VGLL4: variants seen among roughly 807,000 people sequenced by gnomAD.
The protein encoded by VGLL4 is transcription cofactor vestigial-like protein 4.
VGLL4 carries 7 observed loss-of-function variants against 21.0 expected under a neutral mutation model. That is an observed-to-expected ratio of 0.33 (90% CI 0.19 to 0.63). The LOEUF (loss-of-function observed/expected upper bound fraction) is 0.63. Among genes scored for constraint, VGLL4 ranks in the 20% least tolerant of loss-of-function variants. The probability of loss-of-function intolerance (pLI) is 0.78; values close to 1 mark genes in which losing one functional copy is unlikely to be tolerated. For missense variants in VGLL4, 394 were observed against 425.7 expected, an observed-to-expected ratio of 0.93 and a Z score of 0.66; for synonymous variants, 222 against 173.2, an observed-to-expected ratio of 1.28 and a Z score of -2.21.
intron 2 of VGLL4, among the ~76,000 whole-genome samples, chr3:11,659,535 T>C (rs2076007961): frequency 6.6e-6 from 1 of 151,924 alleles, no homozygotes; most frequent in African/African-American, 2.4e-5. Context: ...TTTCTCCATG[T>C]TGGTCAGGCT....
chr3:11,626,531 T>C, intron 1 of VGLL4: 1 of 423,266 alleles, frequency 2.4e-6, no homozygotes, highest in Admixed American at 2.6e-5. Context: ...GGCAGTAATA[T>C]TTGAAGGTAC....
chr3:11,642,921 G>A (rs1458304463), intron 1 of VGLL4, among the ~76,000 whole-genome samples: 1 of 152,050 alleles, frequency 6.6e-6, no homozygotes, highest in East Asian at 1.9e-4. Flanking sequence ...GTGCCCTTCC[G>A]GCCCCACGCG....
At chr3:11,701,203 G>A (rs2125403368) in intron 2 of VGLL4, among the ~76,000 whole-genome samples, 1 of 152,252 alleles carries the variant, frequency 6.6e-6, no homozygotes, top group South Asian at 2.1e-4. Flanking sequence ...ACGGTGATGA[G>A]TGAGTTCTCA....
In VGLL4 at chr3:11,719,547, A is replaced by AGACCCCGCACGGGCCCCC. The variant is rs1391630859; in HGVS notation, c.-14+846_-14+847insGGGGGCCCGTGCGGGGTC. 1 of 150,528 alleles carries AGACCCCGCACGGGCCCCC rather than the reference A, an allele frequency of 6.6e-6. No homozygotes were observed. The highest frequency in any genetic ancestry group is 6.6e-5 in the Admixed American group (1 of 15,164). The allele number at this position is 150,528 out of a possible 1,614,324, so 9.3% of individuals were successfully genotyped here. On this transcript the variant is annotated intron_variant, in intron 1 of 5. Transcript: ENST00000273038. This position sits in a 1 kb window ranked among gnomAD's most constrained non-coding sequence, Gnocchi z 4.0. Reference sequence around the variant, plus strand: ...AGACGCACAGGCGGGCTCGCGCCCGAGCCCCCGCACGGGCCCCCGCCAAAC... The same window carrying AGACCCCGCACGGGCCCCC: ...AGACGCACAGGCGGGCTCGCGCCCGAGACCCCGCACGGGCCCCCGCCCCCGCACGGGCCCCCGCCAAAC...
intron 1 of VGLL4, among the ~76,000 whole-genome samples, chr3:11,617,121 A>T (rs1384978883): frequency 6.6e-6 from 1 of 152,218 alleles, no homozygotes. Context: ...CACACATTTT[A>T]TATGAGGGAG....
At chr3:11,659,659 G>GTAC (rs10638896) in intron 2 of VGLL4, among the ~76,000 whole-genome samples, 1 of 152,106 alleles carries the variant, frequency 6.6e-6, no homozygotes, top group Admixed American at 6.5e-5. Context: ...AAGGGACTTG[G>GTAC]GGATTTCATA....
chr3:11,672,260 T>C (rs2125369308), intron 2 of VGLL4, among the ~76,000 whole-genome samples: 1 of 152,310 alleles, frequency 6.6e-6, no homozygotes, highest in South Asian at 2.1e-4. Flanking sequence ...GAAGGTCAAT[T>C]TCAAATGAAT....
At chr3:11,570,792 C>T (rs1389708828) in intron 2 of VGLL4, among the ~76,000 whole-genome samples, 2 of 152,192 alleles carry the variant, frequency 1.3e-5, no homozygotes, top group African/African-American at 4.8e-5. Context: ...GTCCTCCTCA[C>T]CTCCTCCCTG....
intron 1 of VGLL4, among the ~76,000 whole-genome samples, chr3:11,706,084 A>G (rs1440742546): frequency 6.6e-6 from 1 of 152,254 alleles, no homozygotes; most frequent in Non-Finnish European, 1.5e-5. Context: ...AGATTAATAC[A>G]TACCTTAGGT....
chr3:11,717,555 G>C (rs1032481991), intron 1 of VGLL4, among the ~76,000 whole-genome samples: 1 of 137,460 alleles, frequency 7.3e-6, no homozygotes, highest in African/African-American at 2.9e-5. Flanking sequence ...TGTCCAGGCT[G>C]GTCTGGAACT....
At chr3:11,657,169 T>G (rs534856936) in intron 2 of VGLL4, among the ~76,000 whole-genome samples, 1 of 152,304 alleles carries the variant, frequency 6.6e-6, no homozygotes, top group Non-Finnish European at 1.5e-5. Flanking sequence ...TAAGCTTGGA[T>G]GTCCATCTCG....
intron 2 of VGLL4, among the ~76,000 whole-genome samples, chr3:11,566,540 C>T (rs145925116): frequency 5.1e-4 from 77 of 152,202 alleles, no homozygotes; most frequent in Non-Finnish European, 1.0e-3. Flanking sequence ...CTGGGCCTGA[C>T]CACCTTCCCG....
chr3:11,643,621 A>G lies in VGLL4; in HGVS notation c.-103T>C. On this transcript the variant is annotated 5_prime_UTR_variant, in exon 1 of 5. Transcript: ENST00000430365. ...GTAGCTCCTGGCTCTTCAACTTCAC[A>G]AAGGCAGAGGCCCAGCCTCAGACTA... The G allele has an allele frequency of 2.5e-6, 4 of 1,579,872 alleles. 1 individual carries two copies. In the South Asian group the frequency reaches 4.5e-5, roughly 18 times the overall value.
chr3:11,647,852 T>C (rs2075815373), upstream of VGLL4, among the ~76,000 whole-genome samples: 1 of 152,138 alleles, frequency 6.6e-6, no homozygotes, highest in African/African-American at 2.4e-5. Flanking sequence ...TCCCCATCCC[T>C]ACTTCCAGCA....
intron 2 of VGLL4, among the ~76,000 whole-genome samples, chr3:11,671,967 G>GA (rs778589475): frequency 1.7e-4 from 26 of 152,146 alleles, no homozygotes; most frequent in Non-Finnish European, 2.9e-4. Flanking sequence ...TCACTAAGCT[G>GA]AGTCACAAAG....
chr3:11,668,899 T>C (rs116024096), intron 2 of VGLL4, among the ~76,000 whole-genome samples: 1,587 of 125,764 alleles, frequency 0.013, 14 homozygotes, highest in Non-Finnish European at 0.02. Flanking sequence ...CTTCTCCAAG[T>C]ACATCCACAC....
chr3:11,711,828 G>A (rs539152411), intron 1 of VGLL4, among the ~76,000 whole-genome samples: 9 of 152,262 alleles, frequency 5.9e-5, no homozygotes, highest in South Asian at 2.1e-4. Flanking sequence ...CTTGAGCACC[G>A]TACACCAAAT....
chr3:11,680,041 T>A (rs961018587), intron 2 of VGLL4, among the ~76,000 whole-genome samples: 1 of 152,206 alleles, frequency 6.6e-6, no homozygotes, highest in African/African-American at 2.4e-5. Context: ...TTCTGTATTT[T>A]TACTGTAACT....
chr3:11,565,133 C>T lies in VGLL4; in HGVS notation c.273-114G>A, dbSNP rs1165274937. 13 of 1,087,192 alleles carry T rather than the reference C, an allele frequency of 1.2e-5. No homozygotes were observed. In the Admixed American group the frequency reaches 2.0e-4, roughly 17 times the overall value. 67.3% of individuals were successfully genotyped at this position (1,087,192 alleles called of 1,614,324 possible). ...TAATTTTTTACCCTGAAGCTCAGGT[C>T]GTGTGGCTGGGCAGCACGATGAGGA... is the stretch of plus-strand genomic sequence containing the variant. On this transcript the variant is annotated intron_variant, in intron 2 of 4. Coordinates refer to ENST00000430365, the MANE Select transcript of VGLL4 (RefSeq NM_001128219.3). The surrounding 1 kb of genome is among the most constrained non-coding windows in gnomAD (Gnocchi z 4.1).
Sources: gnomAD v4.1 joint callset for allele counts (sites outside exome capture counted in the v4.1 genomes callset) on GRCh38, gnomAD v4.1.1 for gene constraint, Gnocchi (gnomAD v3.1) non-coding constraint, MANE v1.5 for transcripts, NCBI Gene and HGNC (gene_info 2026-07-23, HGNC 2026-07-21) for gene names.